Variants in LRP1B observed in about 807,000 individuals in gnomAD.
LRP1B encodes the protein LDL receptor related protein 1B, also known as low-density lipoprotein receptor-related protein 1B.
Under a neutral mutation model 556.6 loss-of-function variants are expected in LRP1B, and 217 were observed. That is an observed-to-expected ratio of 0.39 (90% CI 0.35 to 0.44). LRP1B has a LOEUF of 0.44. Ranked by LOEUF, LRP1B falls within the 20% of genes least tolerant of loss-of-function variation. The pLI, the probability that LRP1B is intolerant of heterozygous loss-of-function variation, is 1.00. For missense variants in LRP1B, 5,053 were observed against 5,620.8 expected (o/e 0.90, Z 3.23); for synonymous variants, 2,047 against 1,865.8 (o/e 1.10, Z -2.50).
At chr2:140,657,219 G>C (rs1394351268) in intron 41 of LRP1B, among the ~76,000 whole-genome samples, 1 of 151,768 alleles carries the variant, frequency 6.6e-6, no homozygotes, top group Non-Finnish European at 1.5e-5. Flanking sequence ...AATTCTATTT[G>C]ATTGCTTTAT....
chr2:141,973,816 A>G (rs1448255238), intron 1 of LRP1B, among the ~76,000 whole-genome samples: 2 of 151,736 alleles, frequency 1.3e-5, no homozygotes, highest in Non-Finnish European at 2.9e-5. Flanking sequence ...TTGTTCGATG[A>G]TACACTTGTT....
chr2:140,296,595 T>C (rs1327269867), intron 84 of LRP1B, among the ~76,000 whole-genome samples: 1 of 150,812 alleles, frequency 6.6e-6, no homozygotes, highest in East Asian at 2.0e-4. Context: ...GCAGTAGGTC[T>C]CAATTTTGGT....
chr2:140,911,884 T>C (rs1433908286), intron 21 of LRP1B, among the ~76,000 whole-genome samples: 1 of 151,756 alleles, frequency 6.6e-6, no homozygotes, highest in Non-Finnish European at 1.5e-5. Flanking sequence ...TATAAATCAA[T>C]ATCAATCTTT....
At chr2:140,374,780 C>T (rs1027259031) in intron 68 of LRP1B, among the ~76,000 whole-genome samples, 3 of 152,066 alleles carry the variant, frequency 2.0e-5, no homozygotes, top group Non-Finnish European at 4.4e-5. Flanking sequence ...AATACTGTCA[C>T]ATGATTATAA....
chr2:141,782,514 C>CTTTTTTT (rs5834867), intron 2 of LRP1B, among the ~76,000 whole-genome samples: 10 of 97,848 alleles, frequency 1.0e-4, no homozygotes, highest in African/African-American at 3.5e-4. Context: ...TTCTATTTTC[C>CTTTTTTT]TTTTTTTTTT....
chr2:141,210,596 T>C (rs1682500307), intron 6 of LRP1B, among the ~76,000 whole-genome samples: 1 of 152,204 alleles, frequency 6.6e-6, no homozygotes, highest in Non-Finnish European at 1.5e-5. Context: ...ATAAATTTCA[T>C]GTTGTACCAA....
At chr2:140,345,145 T>A (rs1681586870) in intron 77 of LRP1B, among the ~76,000 whole-genome samples, 1 of 151,662 alleles carries the variant, frequency 6.6e-6, no homozygotes, top group African/African-American at 2.4e-5. Flanking sequence ...TTTCTGGCCC[T>A]ACCCACTTGA....
At chr2:141,691,828 C>A (rs1178609387) in intron 2 of LRP1B, among the ~76,000 whole-genome samples, 5 of 151,962 alleles carry the variant, frequency 3.3e-5, no homozygotes, top group Middle Eastern at 3.2e-3. Context: ...ACTCCACAAT[C>A]CTTTATCCAT....
chr2:141,831,683 A>G (rs1291422347), intron 1 of LRP1B, among the ~76,000 whole-genome samples: 1 of 151,666 alleles, frequency 6.6e-6, no homozygotes, highest in East Asian at 1.9e-4. Flanking sequence ...AATTTTCCAA[A>G]TATCAGTTTT....
intron 2 of LRP1B, among the ~76,000 whole-genome samples, chr2:141,708,835 A>C (rs1221006319): frequency 6.6e-6 from 1 of 152,150 alleles, no homozygotes; most frequent in African/African-American, 2.4e-5. Context: ...AAAAGGCTAC[A>C]TGTGAGGCCA....
chr2:140,920,311 A>T (rs1573880130), intron 21 of LRP1B, among the ~76,000 whole-genome samples: 1 of 152,142 alleles, frequency 6.6e-6, no homozygotes, highest in East Asian at 1.9e-4. Context: ...GTTAGCTCTC[A>T]TTCTCATATA....
intron 7 of LRP1B, among the ~76,000 whole-genome samples, chr2:141,086,759 C>T (rs147810868): frequency 0.018 from 2,691 of 152,094 alleles, 35 homozygotes; most frequent in South Asian, 0.029. Flanking sequence ...GGGAAACCAA[C>T]GATGAACCAG....
chr2:141,591,365 T>TTG (rs774426749), intron 2 of LRP1B, among the ~76,000 whole-genome samples: 994 of 42,162 alleles, frequency 0.024, 19 homozygotes, highest in African/African-American at 0.097. Context: ...GTTTGTTTGT[T>TTG]TTTTTTTTTT....
chr2:140,995,307 T>C (rs963318173), intron 15 of LRP1B, among the ~76,000 whole-genome samples: 8 of 152,124 alleles, frequency 5.3e-5, no homozygotes, highest in Admixed American at 2.0e-4. Context: ...CAGAAGATCA[T>C]CTAGTCTGTG....
intron 7 of LRP1B, among the ~76,000 whole-genome samples, chr2:141,063,772 C>T (rs907180950): frequency 6.6e-6 from 1 of 151,884 alleles, no homozygotes; most frequent in Non-Finnish European, 1.5e-5. Context: ...ACTATTCTTG[C>T]TACATGAAAC....
chr2:140,672,482 T>TAAAAAAAAAAAAAAAAAAAA lies in LRP1B; in HGVS notation c.6799+27748_6799+27767dup, dbSNP rs55884730. On this transcript the variant is annotated intron_variant, in intron 41 of 90. Transcript: ENST00000389484. Reference sequence around the variant, plus strand: ...CTGGGTGACAGAATGAGACTCCATCTAAAAAAAAAAAAAAAAAAAAAAAAA... The same window carrying TAAAAAAAAAAAAAAAAAAAA: ...CTGGGTGACAGAATGAGACTCCATCTAAAAAAAAAAAAAAAAAAAAAAAAAAAAAAAAAAAAAAAAAAAAA... 6.3e-4 allele frequency among the ~76,000 whole-genome samples: 51 copies of TAAAAAAAAAAAAAAAAAAAA among 81,576 alleles called. 3 individuals carry two copies. Among genetic ancestry groups the TAAAAAAAAAAAAAAAAAAAA allele is most frequent in the African/African-American group, 2.3e-3 (42 of 18,270 alleles). The allele number at this position is 81,576 out of a possible 152,430, so 53.5% of individuals were successfully genotyped here. A position where few individuals can be genotyped will look rare whatever the true frequency, so the allele number is the denominator to read the frequency against.
chr2:140,381,961 T>C (rs1558843445), intron 67 of LRP1B, among the ~76,000 whole-genome samples: 2 of 146,812 alleles, frequency 1.4e-5, no homozygotes, highest in East Asian at 4.1e-4. Flanking sequence ...GGTAAAAACA[T>C]ACAACCACAG....
At chr2:141,514,089 CT>C (rs1684222868) in intron 2 of LRP1B, among the ~76,000 whole-genome samples, 1 of 152,160 alleles carries the variant, frequency 6.6e-6, no homozygotes, top group African/African-American at 2.4e-5. Context: ...AAACTGCCCC[CT>C]GGTGACAACC....
intron 43 of LRP1B, among the ~76,000 whole-genome samples, chr2:140,558,172 A>T (rs892341032): frequency 9.2e-5 from 14 of 152,184 alleles, no homozygotes; most frequent in Non-Finnish European, 2.1e-4. Context: ...GAGGGAATGG[A>T]GAATGGCACA....
Sources: allele counts gnomAD v4.1 joint callset (sites outside exome capture counted in the v4.1 genomes callset), GRCh38; gene constraint gnomAD v4.1.1; transcripts MANE v1.5; gene names NCBI Gene and HGNC (gene_info 2026-07-23, HGNC 2026-07-21).